The following CSMD3 variants were observed in gnomAD, a reference collection of about 807,000 sequenced individuals.
CSMD3 encodes the protein CUB and Sushi multiple domains 3.
CSMD3 carries 177 observed loss-of-function variants against 435.2 expected under a neutral mutation model. The ratio of observed to expected loss-of-function variants is 0.41; its 90% CI spans 0.36 to 0.46. The LOEUF (loss-of-function observed/expected upper bound fraction) is 0.46, where lower values mean the gene tolerates loss of function less well. Ranked by LOEUF, CSMD3 falls within the 20% of genes least tolerant of loss-of-function variation. The pLI, the probability that CSMD3 is intolerant of heterozygous loss-of-function variation, is 0.34. For missense variants in CSMD3, 4,265 were observed against 4,504.6 expected (o/e 0.95, Z 1.52); for synonymous variants, 1,656 against 1,520.5 (o/e 1.09, Z -2.07).
chr8:112,976,035 C>T lies in CSMD3; in HGVS notation c.1144G>A (p.Val382Ile), dbSNP rs1472771530. The change falls in exon 7 of 71, where the codon GTT (valine) becomes ATT (isoleucine). Residue 382 changes from valine (V) to isoleucine (I), a missense_variant. By Grantham distance (29) the Val-to-Ile change is conservative. This residue lies in a region of CSMD3 where 731 missense variants were observed against 755.4 expected (regional missense o/e 0.97). Coordinates refer to ENST00000297405, the MANE Select transcript of CSMD3 (RefSeq NM_198123.2). ...AGTCTATGGATGGTGACAGCTGTAACACTGGATACAGTAACATCTGCAGGT... is the reference window on the plus strand; with the variant it reads ...AGTCTATGGATGGTGACAGCTGTAATACTGGATACAGTAACATCTGCAGGT... Reference protein sequence around the residue: ...STPADVTVSSVTAVTIHRLSE... With the variant: ...STPADVTVSSITAVTIHRLSE... 1.2e-6 allele frequency: 2 copies of T among 1,614,028 alleles called. No individual in the cohort carries two copies. The highest frequency in any genetic ancestry group is 1.3e-5 in the African/African-American group (1 of 75,006).
rs746484712 is a variant in CSMD3, at chr8:112,301,957, C to T, written c.8276G>A (p.Cys2759Tyr). ...NERPYCQIISCGELPTPPNGN... is the reference protein window; with the variant it reads ...NERPYCQIISYGELPTPPNGN... Reference sequence around the variant, plus strand: ...ATTTGGAGGTGTAGGTAGTTCTCCACAGGAAATAACTTTAAAATGATAAAT... The same window carrying T: ...ATTTGGAGGTGTAGGTAGTTCTCCATAGGAAATAACTTTAAAATGATAAAT... The change falls in exon 53 of 71, where the codon TGT (cysteine) becomes TAT (tyrosine). Residue 2759 changes from cysteine to tyrosine, a missense_variant. Physicochemically the swap from Cys to Tyr is radical, Grantham distance 194. Coordinates refer to ENST00000297405, the MANE Select transcript of CSMD3 (RefSeq NM_198123.2). 1 of 1,600,354 alleles carries T rather than the reference C, an allele frequency of 6.2e-7. No individual in the cohort carries two copies.
intron 4 of CSMD3, among the ~76,000 whole-genome samples, chr8:113,111,275 T>C (rs2090631668): frequency 6.6e-6 from 1 of 152,248 alleles, no homozygotes; most frequent in East Asian, 1.9e-4. Context: ...TGATGTTTTA[T>C]AATATGTTTA....
chr8:112,336,725 G>T lies in CSMD3; in HGVS notation c.6946C>A (p.Pro2316Thr), dbSNP rs1258218455. Residue 2316 changes from proline to threonine, a missense_variant, in exon 44 of 71, where the codon CCC (proline) becomes ACC (threonine). Coordinates refer to ENST00000297405, the MANE Select transcript of CSMD3 (RefSeq NM_198123.2). ...FQDCFWLVRV[P>T]PGNGIYINFT... ...TTGATGTAGATGCCATTCCCAGGGG[G>T]TACTCTTACAAGCCAAAAACAATCT... is the stretch of plus-strand genomic sequence containing the variant. 8 of 1,612,980 alleles carry T rather than the reference G, an allele frequency of 5.0e-6. No homozygotes were observed. The highest frequency in any genetic ancestry group is 5.9e-6 in the Non-Finnish European group (7 of 1,179,138).
At chr8:113,319,074 T>C (rs2093931171) in intron 1 of CSMD3, among the ~76,000 whole-genome samples, 1 of 151,854 alleles carries the variant, frequency 6.6e-6, no homozygotes, top group African/African-American at 2.4e-5. Context: ...GGAAGAGGAG[T>C]TGCTGGGTCA....
At chr8:113,105,694 T>G (rs772830918) in intron 4 of CSMD3, among the ~76,000 whole-genome samples, 1 of 152,022 alleles carries the variant, frequency 6.6e-6, no homozygotes, top group Non-Finnish European at 1.5e-5. Context: ...GTAGAGAGGG[T>G]AAACTATGCC....
At chr8:112,575,648 C>T (rs1054193669) in intron 23 of CSMD3, among the ~76,000 whole-genome samples, 2 of 152,070 alleles carry the variant, frequency 1.3e-5, no homozygotes. Flanking sequence ...CTGTCTTCAA[C>T]AAAACCAAAC....
At chr8:113,076,607 A>G (rs1303831695) in intron 5 of CSMD3, among the ~76,000 whole-genome samples, 2 of 152,138 alleles carry the variant, frequency 1.3e-5, no homozygotes, top group Non-Finnish European at 2.9e-5. Flanking sequence ...ATCACATTAT[A>G]CATATTAGAA....
At chr8:113,335,715 C>T (rs1333069666) in intron 1 of CSMD3, among the ~76,000 whole-genome samples, 1 of 151,660 alleles carries the variant, frequency 6.6e-6, no homozygotes, top group South Asian at 2.1e-4. Context: ...TAATTACATC[C>T]TGTTGGATAT....
chr8:113,160,129 G>GT (rs922199207), intron 4 of CSMD3, among the ~76,000 whole-genome samples: 4 of 151,800 alleles, frequency 2.6e-5, no homozygotes, highest in African/African-American at 9.7e-5. Context: ...AGAAACAAGA[G>GT]TTTTTTAAAG....
chr8:112,470,900 AAC>A (rs142449499), intron 32 of CSMD3, among the ~76,000 whole-genome samples: 2,645 of 152,198 alleles, frequency 0.017, 79 homozygotes, highest in African/African-American at 0.06. Flanking sequence ...CCACAAAAAA[AAC>A]AAGAAGATTC....
intron 3 of CSMD3, among the ~76,000 whole-genome samples, chr8:113,271,572 AC>A (rs1339453169): frequency 6.6e-6 from 1 of 151,928 alleles, no homozygotes; most frequent in South Asian, 2.1e-4. Context: ...AGATTTGGGG[AC>A]CTCCATCTAT....
chr8:112,629,307 T>C (rs2074445693), intron 22 of CSMD3, among the ~76,000 whole-genome samples: 1 of 152,058 alleles, frequency 6.6e-6, no homozygotes. Context: ...GCTCAGGCAA[T>C]CCTCTTGCCT....
chr8:112,330,942 C>T (rs1301853645), intron 45 of CSMD3, among the ~76,000 whole-genome samples: 1 of 151,952 alleles, frequency 6.6e-6, no homozygotes, highest in East Asian at 1.9e-4. Flanking sequence ...CTATTTTGAA[C>T]TCCAGCCAGC....
At chr8:112,557,740 C>T (rs1343829604) in intron 24 of CSMD3, among the ~76,000 whole-genome samples, 1 of 151,898 alleles carries the variant, frequency 6.6e-6, no homozygotes, top group Non-Finnish European at 1.5e-5. Context: ...CCTTCTGGAC[C>T]TCAGCTATGT....
intron 23 of CSMD3, among the ~76,000 whole-genome samples, chr8:112,586,405 AT>A (rs2131349619): frequency 1.3e-5 from 2 of 151,670 alleles, no homozygotes; most frequent in African/African-American, 4.8e-5. Context: ...AAATATTTAT[AT>A]TCAAAATATA....
chr8:113,428,039 A>G (rs996622928), intron 1 of CSMD3, among the ~76,000 whole-genome samples: 17 of 151,638 alleles, frequency 1.1e-4, no homozygotes, highest in Non-Finnish European at 1.9e-4. Flanking sequence ...CATATTTAAC[A>G]TATGTATTAC....
chr8:112,968,987 C>A (rs1179070803), intron 7 of CSMD3, among the ~76,000 whole-genome samples: 2 of 151,904 alleles, frequency 1.3e-5, no homozygotes, highest in East Asian at 3.9e-4. Context: ...TGCTTGCAAA[C>A]ACTTGAAAAC....
At chr8:113,111,801 T>C (rs901742670) in intron 4 of CSMD3, among the ~76,000 whole-genome samples, 5 of 152,054 alleles carry the variant, frequency 3.3e-5, no homozygotes, top group African/African-American at 9.7e-5. Context: ...CTGCCTCAGC[T>C]TGCTGAGTAG....
intron 32 of CSMD3, among the ~76,000 whole-genome samples, chr8:112,418,009 T>C (rs1263103666): frequency 1.3e-5 from 2 of 152,200 alleles, no homozygotes; most frequent in African/African-American, 2.4e-5. Flanking sequence ...CTGAGCTGGT[T>C]TGCCACTTTG....
Sources: gnomAD v4.1 joint callset for allele counts (sites outside exome capture counted in the v4.1 genomes callset) on GRCh38, gnomAD v4.1.1 for gene constraint, gnomAD v4.1.1 regional missense constraint, MANE v1.5 for transcripts, NCBI Gene and HGNC (gene_info 2026-07-23, HGNC 2026-07-21) for gene names.